Variants in PRKD2 observed in about 807,000 individuals in gnomAD.
PRKD2 encodes protein kinase D2, also known as serine/threonine-protein kinase D2.
In PRKD2, 22 loss-of-function variants were observed where a neutral mutation model predicts 86.0. The observed-to-expected ratio is 0.26, with a 90% CI of 0.18 to 0.37. The LOEUF is 0.37. PRKD2 is among the 10% of genes least tolerant of loss of function. PRKD2 has a pLI of 1.00. For synonymous variants in PRKD2, 509 were observed against 510.9 expected, an observed-to-expected ratio of 1.00 and a Z score of 0.05; for missense variants, 818 against 1,199.2, an observed-to-expected ratio of 0.68 and a Z score of 4.70.
In PRKD2 at chr19:46,710,950, C is replaced by G. The variant is rs751072512; in HGVS notation, c.468G>C (p.Gly156=). 1 of 1,578,268 alleles carries G rather than the reference C, an allele frequency of 6.3e-7. No individual in the cohort carries two copies. Among genetic ancestry groups the G allele is most frequent in the Admixed American group, 1.8e-5 (1 of 54,790 alleles). The part of the protein sequence containing the change: ...YRAPAFCDHC[G]EMLFGLVRQG... Reference sequence around the variant, plus strand: ...GGCGCACTAGGCCGAAGAGCATCTCCCCGCAGTGATCACAGAAGGCAGGCG... The same window carrying G: ...GGCGCACTAGGCCGAAGAGCATCTCGCCGCAGTGATCACAGAAGGCAGGCG... The change falls in exon 3 of 18, where the codon GGG becomes GGC. Residue 156 remains glycine, a synonymous_variant. Coordinates refer to ENST00000291281, the MANE Select transcript of PRKD2 (RefSeq NM_016457.5).
chr19:46,714,067 G>A lies in PRKD2; in HGVS notation c.241-66C>T, dbSNP rs574285905. 7 of 1,580,626 alleles carry A rather than the reference G, an allele frequency of 4.4e-6. No individual in the cohort carries two copies. In the East Asian group the frequency reaches 1.1e-4, roughly 25 times the overall value. ...AGCCGCCTTCAGCAGCGGGCGGACT[G>A]TGACCCTCCCAGGGCAGGGCCGGCT... On this transcript the variant is annotated intron_variant, in intron 1 of 17. Transcript: ENST00000291281.
At chr19:46,676,536 C>G (rs532260759) in intron 16 of PRKD2, among the ~76,000 whole-genome samples, 1 of 152,352 alleles carries the variant, frequency 6.6e-6, no homozygotes, top group South Asian at 2.1e-4. Context: ...TAGCGAATGT[C>G]AAGCTTCAAG....
At chr19:46,696,823 T>TA (rs1391103426) in intron 9 of PRKD2, among the ~76,000 whole-genome samples, 1 of 152,162 alleles carries the variant, frequency 6.6e-6, no homozygotes, top group Non-Finnish European at 1.5e-5. Flanking sequence ...GAGCTTAATA[T>TA]ATACCACGCC....
Position 46,674,607 on chromosome 19 carries a change from C to T in PRKD2, c.2553G>A (p.Leu851=). Reference sequence around the variant, plus strand: ...CCCCACCGAGATCCCTGTCCGTGGGCAGCCCAGACCCAGGCAGCGGATGCT... The same window carrying T: ...CCCCACCGAGATCCCTGTCCGTGGGTAGCCCAGACCCAGGCAGCGGATGCT... ...AAEHPLPGSG[L]PTDRDLGGAC... is the part of the protein sequence containing the mutation. Residue 851 remains leucine, a synonymous_variant, in exon 18 of 18, where the codon CTG becomes CTA. Transcript: ENST00000291281. 6.2e-7 allele frequency: 1 copy of T among 1,610,148 alleles called. No homozygotes were observed.
At chr19:46,675,203 C>T (rs1280202234) in intron 16 of PRKD2, 85 bp from the exon 17 acceptor site, 4 of 1,115,090 alleles carry the variant, frequency 3.6e-6, no homozygotes, top group Admixed American at 2.0e-5. Context: ...TACCTGCCTG[C>T]CATCAACACC....
Position 46,710,998 on chromosome 19 carries a change from G to A in PRKD2, c.420C>T (p.Ala140=). 1 of 1,580,188 alleles carries A rather than the reference G, an allele frequency of 6.3e-7. No homozygotes were observed. Among genetic ancestry groups the A allele is most frequent in the Non-Finnish European group, 8.6e-7 (1 of 1,163,168 alleles). The stretch of plus-strand genomic sequence containing the variant: ...GCGCCCGATAGGAGTGCACCGTGAG[G>A]GCGTGCGGGCGGATCTGGAAGTCCT... ...TFEDFQIRPH[A]LTVHSYRAPA... Residue 140 remains alanine (A), a synonymous_variant, in exon 3 of 18, where the codon GCC becomes GCT. Transcript: ENST00000291281.
Position 46,674,648 on chromosome 19 carries a change from C to G in PRKD2, c.2512G>C (p.Glu838Gln). The change falls in exon 18 of 18, where the codon GAG becomes CAG. Residue 838 changes from glutamate to glutamine, a missense_variant. Glu to Gln is a conservative substitution (Grantham distance 29). This residue lies in a region of PRKD2 where 132 missense variants were observed against 146.2 expected (regional missense o/e 0.90). Transcript: ENST00000291281. ...ITHESDDARW[E>Q]QFAAEHPLPG... ...AGCGGATGCTCTGCTGCAAACTGCTCCCAGCGCGCGTCGTCACTCTCATGC... is the reference window on the plus strand; with the variant it reads ...AGCGGATGCTCTGCTGCAAACTGCTGCCAGCGCGCGTCGTCACTCTCATGC... The G allele has an allele frequency of 1.2e-6, 2 of 1,607,624 alleles. No individual in the cohort carries two copies. The highest frequency in any genetic ancestry group is 1.7e-6 in the Non-Finnish European group (2 of 1,179,942).
chr19:46,683,696 C>T (rs924386041), intron 14 of PRKD2, among the ~76,000 whole-genome samples: 2 of 151,718 alleles, frequency 1.3e-5, no homozygotes, highest in African/African-American at 2.4e-5. Flanking sequence ...CCAGCCTGGG[C>T]GACAGAGTGA....
intron 8 of PRKD2, 103 bp from the exon 9 acceptor site, chr19:46,697,337 A>G (rs2053574576): frequency 1.2e-6 from 1 of 834,658 alleles, no homozygotes; most frequent in Non-Finnish European, 1.9e-6. Context: ...CACCACGTGC[A>G]CGCCGTAACT....
At chr19:46,675,530 G>A (rs565233800) in intron 16 of PRKD2, among the ~76,000 whole-genome samples, 27 of 152,126 alleles carry the variant, frequency 1.8e-4, no homozygotes, top group African/African-American at 4.8e-4. Context: ...TGCAACCTCC[G>A]CCTCCCGGGT....
intron 15 of PRKD2, among the ~76,000 whole-genome samples, chr19:46,681,158 G>A (rs917596002): frequency 2.5e-4 from 38 of 149,500 alleles, no homozygotes; most frequent in South Asian, 8.4e-4. Context: ...GGGTTTCACC[G>A]TGTTAGCCAG....
Position 46,697,855 on chromosome 19 carries a change from G to T in PRKD2, c.1122-5C>A. ...AGGGGGATGTACCCCAGGGAGCTGC[G>T]AAGGAAGAGGAAGGGGTGAGAAGTC... On this transcript the variant is annotated splice_region_variant and splice_polypyrimidine_tract_variant and intron_variant, in intron 7 of 17. Coordinates refer to ENST00000291281, the MANE Select transcript of PRKD2 (RefSeq NM_016457.5). The T allele has an allele frequency of 6.2e-7, 1 of 1,603,350 alleles. No individual in the cohort carries two copies. Among genetic ancestry groups the T allele is most frequent in the Non-Finnish European group, 8.5e-7 (1 of 1,170,528 alleles).
intron 1 of PRKD2, among the ~76,000 whole-genome samples, chr19:46,715,031 G>A (rs942929967): frequency 5.1e-4 from 78 of 152,268 alleles, no homozygotes; most frequent in African/African-American, 1.9e-3. Flanking sequence ...ATTTCCAGGA[G>A]TCTGAAAAGA....
At chr19:46,697,335 G>A in intron 8 of PRKD2, 101 bp from the exon 9 acceptor site, 1 of 859,336 alleles carries the variant, frequency 1.2e-6, no homozygotes, top group Non-Finnish European at 1.9e-6. Flanking sequence ...AGCACCACGT[G>A]CACGCCGTAA....
chr19:46,689,422 G>T, intron 14 of PRKD2, 115 bp downstream of exon 14: 3 of 1,251,902 alleles, frequency 2.4e-6, no homozygotes, highest in Non-Finnish European at 2.2e-6. Flanking sequence ...GATGGTTTCT[G>T]TTATCTGCTA....
At chr19:46,714,100 C>T in intron 1 of PRKD2, 99 bp from the exon 2 acceptor site, 1 of 1,477,350 alleles carries the variant, frequency 6.8e-7, no homozygotes, top group Non-Finnish European at 9.0e-7. Flanking sequence ...GCTGTTTCCC[C>T]CGGAAACGCA....
chr19:46,684,373 G>C (rs1007623971), intron 14 of PRKD2, among the ~76,000 whole-genome samples: 1 of 152,148 alleles, frequency 6.6e-6, no homozygotes, highest in African/African-American at 2.4e-5. Flanking sequence ...CCACGCTGGA[G>C]TGCAACGGCA....
At position 46,697,727 on chromosome 19, in the gene PRKD2, A is replaced by T. The variant is rs772606911; in HGVS notation, c.1239+6T>A. ...CGCCGTACCCGGCCCCGCCCCGGCCACTCACCAGCGTGTCCTTGTTGCTGT... is the reference window on the plus strand; with the variant it reads ...CGCCGTACCCGGCCCCGCCCCGGCCTCTCACCAGCGTGTCCTTGTTGCTGT... On this transcript the variant is annotated splice_donor_region_variant and intron_variant, in intron 8 of 17. Transcript: ENST00000291281. The T allele has an allele frequency of 6.2e-7, 1 of 1,607,280 alleles. No individual in the cohort carries two copies. Among genetic ancestry groups the T allele is most frequent in the East Asian group, 2.2e-5 (1 of 44,620 alleles).
intron 3 of PRKD2, 96 bp downstream of exon 3, chr19:46,710,811 C>G (rs2053795080): frequency 7.6e-7 from 1 of 1,319,756 alleles, no homozygotes; most frequent in East Asian, 2.6e-5. Context: ...GAGACCCGCT[C>G]CTCCTCCCCA....
Sources: gnomAD v4.1 joint callset for allele counts (sites outside exome capture counted in the v4.1 genomes callset) on GRCh38, gnomAD v4.1.1 for gene constraint, gnomAD v4.1.1 regional missense constraint, MANE v1.5 for transcripts, NCBI Gene and HGNC (gene_info 2026-07-23, HGNC 2026-07-21) for gene names.